The following TAFA1 variants were observed in gnomAD, a reference collection of about 807,000 sequenced individuals.
TAFA1 encodes the protein TAFA chemokine like family member 1, also known as chemokine-like protein TAFA-1.
TAFA1 carries 4 observed loss-of-function variants against 18.5 expected under a neutral mutation model. That is an observed-to-expected ratio of 0.22 (90% CI 0.11 to 0.49). TAFA1 has a LOEUF of 0.49. Ranked by LOEUF, TAFA1 falls within the 20% of genes least tolerant of loss-of-function variation. The pLI is 0.98. For synonymous variants in TAFA1, 56 were observed against 55.2 expected, an observed-to-expected ratio of 1.01 and a Z score of -0.06; for missense variants, 147 against 169.0, an observed-to-expected ratio of 0.87 and a Z score of 0.72.
chr3:68,278,727 C>A (rs2067840959), intron 2 of TAFA1, among the ~76,000 whole-genome samples: 1 of 152,060 alleles, frequency 6.6e-6, no homozygotes, highest in South Asian at 2.1e-4. Context: ...CTTCAGCATA[C>A]CTAAGAATCA....
At chr3:68,528,123 G>A (rs1191739276) in intron 3 of TAFA1, among the ~76,000 whole-genome samples, 1 of 152,194 alleles carries the variant, frequency 6.6e-6, no homozygotes, top group African/African-American at 2.4e-5. Context: ...GTATGAAGGT[G>A]AGGGGATGGA....
chr3:68,497,492 G>T (rs2106696590), intron 3 of TAFA1, among the ~76,000 whole-genome samples: 1 of 152,264 alleles, frequency 6.6e-6, no homozygotes. Flanking sequence ...CATAAAGGAA[G>T]GATGAGTAGA....
intron 2 of TAFA1, among the ~76,000 whole-genome samples, chr3:68,009,479 A>G (rs2106773877): frequency 6.6e-6 from 1 of 152,322 alleles, no homozygotes; most frequent in South Asian, 2.1e-4. Flanking sequence ...CTGTGCGTCA[A>G]ATACCCCAAG....
At chr3:68,351,733 G>A (rs1193199437) in intron 2 of TAFA1, among the ~76,000 whole-genome samples, 1 of 151,972 alleles carries the variant, frequency 6.6e-6, no homozygotes, top group African/African-American at 2.4e-5. Flanking sequence ...AGACAAGCTT[G>A]TTAATGTGGA....
chr3:68,073,959 A>G (rs1473872712), intron 2 of TAFA1, among the ~76,000 whole-genome samples: 1 of 152,204 alleles, frequency 6.6e-6, no homozygotes, highest in African/African-American at 2.4e-5. Context: ...TTTATTGTGC[A>G]CTTTATGTCT....
intron 2 of TAFA1, among the ~76,000 whole-genome samples, chr3:68,254,647 G>T (rs1304352730): frequency 6.6e-6 from 1 of 151,946 alleles, no homozygotes; most frequent in African/African-American, 2.4e-5. Context: ...TAAAGATAAA[G>T]GTAAGGTAAA....
At chr3:68,110,026 C>G (rs1575621092) in intron 2 of TAFA1, among the ~76,000 whole-genome samples, 1 of 152,032 alleles carries the variant, frequency 6.6e-6, no homozygotes, top group African/African-American at 2.4e-5. Context: ...TGCAGGTTTG[C>G]TACATAGGTA....
At position 68,370,528 on chromosome 3, in the gene TAFA1, AT is replaced by A. The variant is rs1476612647; in HGVS notation, c.119-46748del. ...TATATATATATATACCCACATATGTATTTTGGAGCCTGAAGTTAACCAGAGT... is the reference window on the plus strand; with the variant it reads ...TATATATATATATACCCACATATGTATTTGGAGCCTGAAGTTAACCAGAGT... On this transcript the variant is annotated intron_variant, in intron 2 of 4. Coordinates refer to ENST00000478136, the MANE Select transcript of TAFA1 (RefSeq NM_213609.4). Among the ~76,000 whole-genome samples the A allele has an allele frequency of 3.5e-5, 4 of 114,412 alleles. 1 individual carries two copies. Among genetic ancestry groups the A allele is most frequent in the Non-Finnish European group, 7.0e-5 (4 of 57,260 alleles). The allele number at this position is 114,412 out of a possible 152,430, so 75.1% of individuals were successfully genotyped here.
In TAFA1 at chr3:68,330,400, T is replaced by G. The variant is rs556228046; in HGVS notation, c.119-86880T>G. 2.6e-5 allele frequency among the ~76,000 whole-genome samples: 4 copies of G among 152,334 alleles called. No individual in the cohort carries two copies. In the East Asian group the frequency reaches 7.7e-4, roughly 29 times the overall value. ...AACCACATAAATGGATTACTTACTG[T>G]GTGGATTATTTCAATAACAAAGTCA... On this transcript the variant is annotated intron_variant, in intron 2 of 4. Transcript: ENST00000478136.
intron 3 of TAFA1, among the ~76,000 whole-genome samples, chr3:68,526,796 AT>A (rs2073116972): frequency 1.3e-5 from 2 of 152,150 alleles, no homozygotes; most frequent in African/African-American, 4.8e-5. Context: ...ATGAGTGATA[AT>A]TTTTTAAATA....
intron 2 of TAFA1, among the ~76,000 whole-genome samples, chr3:68,252,897 A>C (rs754662659): frequency 1.3e-5 from 2 of 152,152 alleles, no homozygotes; most frequent in Non-Finnish European, 2.9e-5. Flanking sequence ...TTCTCATGAT[A>C]GTGAATAAGT....
At chr3:68,403,725 A>G (rs1420439044) in intron 2 of TAFA1, among the ~76,000 whole-genome samples, 2 of 152,232 alleles carry the variant, frequency 1.3e-5, no homozygotes, top group Admixed American at 6.5e-5. Context: ...AAAGCTGAAA[A>G]TGTTTATTAT....
chr3:68,104,969 G>A (rs1298304979), intron 2 of TAFA1, among the ~76,000 whole-genome samples: 1 of 152,088 alleles, frequency 6.6e-6, no homozygotes, highest in Admixed American at 6.6e-5. Context: ...CAGGAAGCAT[G>A]GTGCTGGCAT....
intron 2 of TAFA1, among the ~76,000 whole-genome samples, chr3:68,310,795 G>C (rs1013911069): frequency 1.3e-5 from 2 of 152,118 alleles, no homozygotes; most frequent in Non-Finnish European, 2.9e-5. Flanking sequence ...CTAAAAGATA[G>C]TGAAATTTAT....
intron 2 of TAFA1, among the ~76,000 whole-genome samples, chr3:68,188,508 TA>T (rs1284939759): frequency 3.3e-4 from 47 of 140,802 alleles, no homozygotes; most frequent in Non-Finnish European, 5.6e-4. Context: ...TATATATATT[TA>T]TATATATATA....
chr3:68,161,249 A>G (rs545827192), intron 2 of TAFA1, among the ~76,000 whole-genome samples: 1 of 152,334 alleles, frequency 6.6e-6, no homozygotes, highest in South Asian at 2.1e-4. Context: ...GATACTCACT[A>G]TATGTAAATC....
chr3:68,403,698 G>C (rs2070540569), intron 2 of TAFA1, among the ~76,000 whole-genome samples: 1 of 152,202 alleles, frequency 6.6e-6, no homozygotes, highest in Admixed American at 6.5e-5. Context: ...AGTTGCTCCA[G>C]AGACCACATG....
chr3:68,370,436 A>G (rs1349690442), intron 2 of TAFA1, among the ~76,000 whole-genome samples: 1 of 95,940 alleles, frequency 1.0e-5, no homozygotes, highest in Non-Finnish European at 2.0e-5. Flanking sequence ...ACACACATAT[A>G]TATACATATG....
intron 2 of TAFA1, among the ~76,000 whole-genome samples, chr3:68,222,048 T>C (rs1035883044): frequency 3.9e-5 from 6 of 152,328 alleles, no homozygotes; most frequent in Admixed American, 2.6e-4. Flanking sequence ...TCTAACTTTT[T>C]CATTTTATTA....
Sources: allele counts gnomAD v4.1 joint callset (sites outside exome capture counted in the v4.1 genomes callset), GRCh38; gene constraint gnomAD v4.1.1; transcripts MANE v1.5; gene names NCBI Gene and HGNC (gene_info 2026-07-23, HGNC 2026-07-21).